The following CRPPA variants were observed in gnomAD, a reference collection of about 807,000 sequenced individuals.
CRPPA encodes D-ribitol-5-phosphate cytidylyltransferase.
In CRPPA, 43 loss-of-function variants were observed where a neutral mutation model predicts 52.0. That is an observed-to-expected ratio of 0.83 (90% CI 0.65 to 1.07). The LOEUF is 1.07. Among genes scored for constraint, CRPPA ranks in the 50% least tolerant of loss-of-function variants. CRPPA has a pLI of 0.00. For missense variants in CRPPA, 629 were observed against 551.7 expected (o/e 1.14, Z -1.40); for synonymous variants, 250 against 203.5 (o/e 1.23, Z -1.94).
rs1214116829 is a variant in CRPPA, at chr7:16,089,933, A to C, written c.*1762T>G. On this transcript the variant is annotated 3_prime_UTR_variant, in exon 10 of 10. Coordinates refer to ENST00000407010, the MANE Select transcript of CRPPA (RefSeq NM_001101426.4). ...CTTACCCTCTCTTTAAAGCCTTGAT[A>C]ACATTTCCCCTTCTTCCTTTATGAG... 6.4e-6 allele frequency: 1 copy of C among 156,536 alleles called. No homozygotes were observed. The highest frequency in any genetic ancestry group is 2.4e-5 in the African/African-American group (1 of 41,444). 9.7% of individuals were successfully genotyped at this position (156,536 alleles called of 1,614,324 possible). A position where few individuals can be genotyped will look rare whatever the true frequency, so the allele number is the denominator to read the frequency against.
chr7:16,318,956 G>A (rs1299132843), intron 3 of CRPPA, among the ~76,000 whole-genome samples: 1 of 152,162 alleles, frequency 6.6e-6, no homozygotes, highest in Non-Finnish European at 1.5e-5. Flanking sequence ...GCTGTCTCTC[G>A]ACTTTTCCAT....
chr7:16,095,857 C>A (rs1781925306), intron 9 of CRPPA, among the ~76,000 whole-genome samples: 1 of 152,168 alleles, frequency 6.6e-6, no homozygotes, highest in South Asian at 2.1e-4. Context: ...CAGTCCTTGG[C>A]CAGCTCCTAA....
At chr7:16,400,153 A>G (rs1049496594) in intron 2 of CRPPA, among the ~76,000 whole-genome samples, 3 of 152,126 alleles carry the variant, frequency 2.0e-5, no homozygotes, top group South Asian at 2.1e-4. Flanking sequence ...CGTGATTGAC[A>G]TGATTGACGT....
At chr7:16,403,178 A>C (rs975603074) in intron 2 of CRPPA, among the ~76,000 whole-genome samples, 5 of 152,176 alleles carry the variant, frequency 3.3e-5, no homozygotes, top group African/African-American at 1.2e-4. Flanking sequence ...TTATACCCAG[A>C]AAAACTATCA....
chr7:16,267,641 T>C (rs1020448774), intron 6 of CRPPA, among the ~76,000 whole-genome samples: 4 of 152,162 alleles, frequency 2.6e-5, no homozygotes, highest in Non-Finnish European at 4.4e-5. Context: ...ATGACTAAAA[T>C]TAAACAATTC....
At chr7:16,325,865 G>A (rs966002518) in intron 3 of CRPPA, among the ~76,000 whole-genome samples, 8 of 151,890 alleles carry the variant, frequency 5.3e-5, no homozygotes, top group Non-Finnish European at 1.0e-4. Flanking sequence ...ACATCAACAG[G>A]AATGATATTT....
Position 16,286,097 on chromosome 7 carries a change from A to AAAAATATAT in CRPPA, c.836-7872_836-7871insATATATTTT. Reference sequence around the variant, plus strand: ...TATATATATAATATTTAAAAAAAAAAATATATATATATATATATATGCCAA... The same window carrying AAAAATATAT: ...TATATATATAATATTTAAAAAAAAAAAAAATATATATATATATATATATATATATGCCAA... On this transcript the variant is annotated intron_variant, in intron 5 of 9. Coordinates refer to ENST00000407010, the MANE Select transcript of CRPPA (RefSeq NM_001101426.4). Among the ~76,000 whole-genome samples the AAAAATATAT allele has an allele frequency of 7.4e-4, 29 of 39,116 alleles. 6 individuals are homozygous for AAAAATATAT. The East Asian group carries it at 9.2e-3, about 12-fold the overall frequency. The allele number at this position is 39,116 out of a possible 152,430, so 25.7% of individuals were successfully genotyped here.
rs1053509048 is a variant in CRPPA, at chr7:16,088,757, T to C, written c.*2938A>G. On this transcript the variant is annotated 3_prime_UTR_variant, in exon 10 of 10. Transcript: ENST00000407010. ...ACAAAATAATTTCTCTTTTGGCCAATACTTCTATTCATTCCCTTAACTTTA... is the reference window on the plus strand; with the variant it reads ...ACAAAATAATTTCTCTTTTGGCCAACACTTCTATTCATTCCCTTAACTTTA... 6.3e-6 allele frequency: 1 copy of C among 157,688 alleles called. No individual in the cohort carries two copies. Among genetic ancestry groups the C allele is most frequent in the African/African-American group, 2.4e-5 (1 of 41,474 alleles). The allele number at this position is 157,688 out of a possible 1,614,324, so 9.8% of individuals were successfully genotyped here. A position where few individuals can be genotyped will look rare whatever the true frequency, so the allele number is the denominator to read the frequency against.
chr7:16,369,209 A>G (rs1381036184), intron 3 of CRPPA, among the ~76,000 whole-genome samples: 1 of 152,124 alleles, frequency 6.6e-6, no homozygotes, highest in East Asian at 1.9e-4. Flanking sequence ...ATTTCTGTTC[A>G]TTTTAAGGGC....
At chr7:16,202,005 T>A (rs1341390325) in intron 9 of CRPPA, among the ~76,000 whole-genome samples, 1 of 152,190 alleles carries the variant, frequency 6.6e-6, no homozygotes, top group African/African-American at 2.4e-5. Flanking sequence ...AGATTTAGAT[T>A]TTTGGTGTAT....
At chr7:16,238,614 A>T (rs1583456011) in intron 8 of CRPPA, among the ~76,000 whole-genome samples, 1 of 152,316 alleles carries the variant, frequency 6.6e-6, no homozygotes, top group Middle Eastern at 3.4e-3. Context: ...GAAATGGACA[A>T]ATACAAGAGA....
At chr7:16,216,582 G>C (rs10267017) in intron 8 of CRPPA, 1 of 198,854 alleles carries the variant, frequency 5.0e-6, no homozygotes, top group Non-Finnish European at 1.0e-5. Flanking sequence ...CAGTGGGTGC[G>C]CGCACCGTGC....
chr7:16,322,142 T>C (rs1006311128), intron 3 of CRPPA, among the ~76,000 whole-genome samples: 4 of 152,046 alleles, frequency 2.6e-5, no homozygotes, highest in Non-Finnish European at 4.4e-5. Context: ...GAAACTAATA[T>C]ATTACCCCTC....
intron 9 of CRPPA, among the ~76,000 whole-genome samples, chr7:16,103,510 C>T (rs1187785795): frequency 6.6e-6 from 1 of 151,998 alleles, no homozygotes; most frequent in Non-Finnish European, 1.5e-5. Flanking sequence ...ATGAAAATAA[C>T]ACCATAAAAA....
chr7:16,143,773 G>T (rs1201053010), intron 9 of CRPPA, among the ~76,000 whole-genome samples: 1 of 152,142 alleles, frequency 6.6e-6, no homozygotes, highest in Non-Finnish European at 1.5e-5. Context: ...TTTCAGAAAA[G>T]ACACTTCTAG....
intron 8 of CRPPA, among the ~76,000 whole-genome samples, chr7:16,219,493 T>G (rs912523777): frequency 9.4e-6 from 1 of 106,296 alleles, no homozygotes; most frequent in Non-Finnish European, 2.0e-5. Context: ...AAAAAATTAA[T>G]GAATCCAGGA....
chr7:16,245,228 G>A (rs1488808057), intron 8 of CRPPA, among the ~76,000 whole-genome samples: 2 of 152,214 alleles, frequency 1.3e-5, no homozygotes, highest in African/African-American at 2.4e-5. Flanking sequence ...CTCTATGTAT[G>A]TATGTGTATC....
At chr7:16,383,973 T>A (rs1386784194) in intron 2 of CRPPA, among the ~76,000 whole-genome samples, 3 of 152,222 alleles carry the variant, frequency 2.0e-5, no homozygotes, top group Admixed American at 1.3e-4. Flanking sequence ...CTCGCCCTGC[T>A]TTGGCTCGCG....
intron 8 of CRPPA, among the ~76,000 whole-genome samples, chr7:16,231,936 T>C (rs564882202): frequency 2.4e-4 from 36 of 152,294 alleles, no homozygotes; most frequent in African/African-American, 8.4e-4. Context: ...ACATGGTACA[T>C]GGAGGAATCC....
Sources: allele counts gnomAD v4.1 joint callset (sites outside exome capture counted in the v4.1 genomes callset), GRCh38; gene constraint gnomAD v4.1.1; transcripts MANE v1.5; gene names NCBI Gene and HGNC (gene_info 2026-07-23, HGNC 2026-07-21).